DPYD: variants seen among roughly 807,000 people sequenced by gnomAD.
DPYD encodes the protein dihydropyrimidine dehydrogenase, also known as dihydropyrimidine dehydrogenase [NADP(+)].
DPYD carries 109 observed loss-of-function variants against 116.2 expected under a neutral mutation model. That is an observed-to-expected ratio of 0.94 (90% CI 0.80 to 1.10). The LOEUF is 1.10. DPYD is among the 50% of genes least tolerant of loss of function. The probability of loss-of-function intolerance (pLI) is 0.00; values close to 1 mark genes in which losing one functional copy is unlikely to be tolerated. For synonymous variants in DPYD, 440 were observed against 432.0 expected (o/e 1.02, Z -0.23); for missense variants, 1,302 against 1,254.5 (o/e 1.04, Z -0.57).
chr1:97,131,166 G>A (rs1653311008), intron 20 of DPYD, among the ~76,000 whole-genome samples: 1 of 151,682 alleles, frequency 6.6e-6, no homozygotes, highest in Non-Finnish European at 1.5e-5. Context: ...AAAAAGGAAC[G>A]CTACAGGTCA....
At chr1:97,678,301 C>T (rs1249487978) in intron 8 of DPYD, among the ~76,000 whole-genome samples, 3 of 152,188 alleles carry the variant, frequency 2.0e-5, no homozygotes, top group Admixed American at 2.0e-4. Context: ...GGCAGTAATG[C>T]TCGCTTGCCC....
chr1:97,494,908 C>T (rs553267561), intron 13 of DPYD, among the ~76,000 whole-genome samples: 1 of 152,114 alleles, frequency 6.6e-6, no homozygotes, highest in Admixed American at 6.6e-5. Flanking sequence ...GATACGAGCA[C>T]AATGCATGCA....
intron 19 of DPYD, among the ~76,000 whole-genome samples, chr1:97,197,405 C>T (rs1658891887): frequency 6.6e-6 from 1 of 152,014 alleles, no homozygotes; most frequent in African/African-American, 2.4e-5. Flanking sequence ...TAAAATAGTT[C>T]ACCATGTGAA....
intron 13 of DPYD, among the ~76,000 whole-genome samples, chr1:97,500,302 AC>A (rs1679502103): frequency 6.6e-6 from 1 of 152,048 alleles, no homozygotes; most frequent in Admixed American, 6.6e-5. Context: ...CAGTTGCATG[AC>A]AAAACTGCAT....
intron 3 of DPYD, among the ~76,000 whole-genome samples, chr1:97,763,155 T>C (rs1362344910): frequency 2.6e-5 from 4 of 152,090 alleles, no homozygotes; most frequent in African/African-American, 4.8e-5. Flanking sequence ...GTTTATATAT[T>C]TGATTAAACT....
intron 1 of DPYD, among the ~76,000 whole-genome samples, chr1:97,898,898 C>T (rs1673216948): frequency 6.6e-6 from 1 of 151,894 alleles, no homozygotes; most frequent in African/African-American, 2.4e-5. Flanking sequence ...TGTGAAGCCA[C>T]CCCAGCCATG....
intron 12 of DPYD, among the ~76,000 whole-genome samples, chr1:97,542,720 C>T (rs1650542901): frequency 1.3e-5 from 2 of 152,218 alleles, no homozygotes; most frequent in Admixed American, 6.5e-5. Flanking sequence ...AGGATTCTTA[C>T]TTGCAAATTT....
intron 18 of DPYD, among the ~76,000 whole-genome samples, chr1:97,251,471 C>T (rs1663095811): frequency 6.7e-6 from 1 of 149,374 alleles, no homozygotes; most frequent in African/African-American, 2.5e-5. Flanking sequence ...GTGAATGGGA[C>T]TGAAGATCAT....
chr1:97,397,924 C>A (rs1673105426), intron 14 of DPYD, among the ~76,000 whole-genome samples: 1 of 150,518 alleles, frequency 6.6e-6, no homozygotes, highest in South Asian at 2.2e-4. Context: ...TGTAGTTTTA[C>A]AAGAAACTGC....
At chr1:97,732,657 C>A (rs1046718139) in intron 4 of DPYD, among the ~76,000 whole-genome samples, 23 of 151,918 alleles carry the variant, frequency 1.5e-4, no homozygotes, top group Non-Finnish European at 7.4e-5. Context: ...AGTCCTTTGT[C>A]TTTAACTCTA....
chr1:97,714,915 C>T (rs1431905808), intron 5 of DPYD, among the ~76,000 whole-genome samples: 1 of 152,064 alleles, frequency 6.6e-6, no homozygotes, highest in Non-Finnish European at 1.5e-5. Flanking sequence ...AAAATTAAAC[C>T]ACTAGCTTTG....
intron 16 of DPYD, among the ~76,000 whole-genome samples, chr1:97,347,614 C>T (rs1669924006): frequency 6.6e-6 from 1 of 151,942 alleles, no homozygotes; most frequent in South Asian, 2.1e-4. Context: ...ACTAATCTTT[C>T]AATATCAAGG....
chr1:97,108,458 T>G (rs183116173), intron 20 of DPYD, among the ~76,000 whole-genome samples: 4 of 152,270 alleles, frequency 2.6e-5, no homozygotes, highest in African/African-American at 7.2e-5. Context: ...TCAGATTGAG[T>G]CATAAATTAT....
intron 8 of DPYD, among the ~76,000 whole-genome samples, chr1:97,595,951 C>T (rs1654848962): frequency 1.3e-5 from 2 of 152,006 alleles, no homozygotes; most frequent in East Asian, 3.9e-4. Context: ...AGACATGGAA[C>T]TTGTCATACT....
chr1:97,690,018 T>A (rs980016557), intron 7 of DPYD, among the ~76,000 whole-genome samples: 14 of 152,052 alleles, frequency 9.2e-5, no homozygotes, highest in African/African-American at 3.4e-4. Context: ...AGATTCACAG[T>A]TTAAAATTCA....
intron 2 of DPYD, chr1:97,855,441 C>A (rs1336689150): frequency 2.0e-5 from 3 of 149,592 alleles, no homozygotes; most frequent in African/African-American, 7.4e-5. Flanking sequence ...TTGTCTCATT[C>A]AAAAAAAAAT....
In DPYD at chr1:97,528,121, G is replaced by A. The variant is rs112100271; in HGVS notation, c.1525-12180C>T. On this transcript the variant is annotated intron_variant, in intron 12 of 22. Coordinates refer to ENST00000370192, the MANE Select transcript of DPYD (RefSeq NM_000110.4). ...TAATTAACTCAAGATCAGTTCCTTC[G>A]CTCTTTGAAGAAATATCTATTGAGG... 4.8e-3 allele frequency among the ~76,000 whole-genome samples: 734 copies of A among 152,136 alleles called. 12 individuals carry two copies. Among genetic ancestry groups the A allele is most frequent in the African/African-American group, 0.017 (686 of 41,510 alleles).
chr1:97,813,915 GACACAC>G (rs59229553), intron 3 of DPYD, among the ~76,000 whole-genome samples: 2,708 of 144,288 alleles, frequency 0.019, 55 homozygotes, highest in African/African-American at 0.051. Context: ...GAAACACACA[GACACAC>G]ACACACACAC....
chr1:97,307,659 T>A (rs1667252667), intron 16 of DPYD, among the ~76,000 whole-genome samples: 1 of 151,908 alleles, frequency 6.6e-6, no homozygotes, highest in Non-Finnish European at 1.5e-5. Context: ...TAAACATAAA[T>A]ATTAAAAAAG....
Sources: gnomAD v4.1 joint callset for allele counts (sites outside exome capture counted in the v4.1 genomes callset) on GRCh38, gnomAD v4.1.1 for gene constraint, MANE v1.5 for transcripts, NCBI Gene and HGNC (gene_info 2026-07-23, HGNC 2026-07-21) for gene names.